TTC3: variants seen among roughly 807,000 people sequenced by gnomAD.
TTC3 encodes the protein tetratricopeptide repeat domain 3.
Under a neutral mutation model 249.6 loss-of-function variants are expected in TTC3, and 180 were observed. The observed-to-expected ratio is 0.72, with a 90% CI of 0.64 to 0.82. TTC3 has a LOEUF of 0.82. Ranked by LOEUF, TTC3 falls within the 40% of genes least tolerant of loss-of-function variation. The pLI, the probability that TTC3 is intolerant of heterozygous loss-of-function variation, is 0.00. For synonymous variants in TTC3, 717 were observed against 805.0 expected (o/e 0.89, Z 1.85); for missense variants, 2,061 against 2,398.4 (o/e 0.86, Z 2.94).
intron 11 of TTC3, among the ~76,000 whole-genome samples, chr21:37,111,753 T>C (rs2075682687): frequency 6.6e-6 from 1 of 152,204 alleles, no homozygotes; most frequent in African/African-American, 2.4e-5. Flanking sequence ...TACATTATTT[T>C]CAGCACCACA....
At chr21:37,121,793 A>G in intron 11 of TTC3, 24 bp from the exon 12 acceptor site, 1 of 1,529,436 alleles carries the variant, frequency 6.5e-7, no homozygotes, top group Non-Finnish European at 8.8e-7. Context: ...TTGAGAAAAA[A>G]TTAAATTTAT....
intron 20 of TTC3, among the ~76,000 whole-genome samples, chr21:37,143,347 T>C (rs1250820255): frequency 3.9e-5 from 6 of 152,144 alleles, no homozygotes; most frequent in Middle Eastern, 3.4e-3. Context: ...AATCTACTCA[T>C]CTGACGAAGG....
chr21:37,095,485 A>G, intron 9 of TTC3, 41 bp downstream of exon 9: 3 of 1,307,510 alleles, frequency 2.3e-6, no homozygotes, highest in Non-Finnish European at 3.2e-6. Context: ...TTTCTATGGC[A>G]CATCAAGTTA....
chr21:37,094,737 C>T (rs1213363333), intron 8 of TTC3, among the ~76,000 whole-genome samples: 6 of 152,090 alleles, frequency 3.9e-5, no homozygotes, highest in African/African-American at 7.2e-5. Context: ...TGCCAAATAC[C>T]GCACAAAATT....
At chr21:37,094,533 A>T (rs770580668) in intron 8 of TTC3, among the ~76,000 whole-genome samples, 1 of 152,234 alleles carries the variant, frequency 6.6e-6, no homozygotes, top group African/African-American at 2.4e-5. Context: ...AGCACCTTTC[A>T]TATATATTCT....
intron 28 of TTC3, 25 bp from the exon 29 acceptor site, chr21:37,159,674 C>T (rs79599927): frequency 6.2e-7 from 1 of 1,610,370 alleles, no homozygotes; most frequent in East Asian, 2.2e-5. Flanking sequence ...AGTTTTCTCA[C>T]AAAACCATCT....
intron 11 of TTC3, among the ~76,000 whole-genome samples, chr21:37,113,129 C>G (rs2075820265): frequency 6.6e-6 from 1 of 152,164 alleles, no homozygotes; most frequent in African/African-American, 2.4e-5. Context: ...TGAAAACTGG[C>G]ACAAGACAGG....
chr21:37,129,860 G>A (rs935876101), intron 16 of TTC3, among the ~76,000 whole-genome samples: 3 of 152,160 alleles, frequency 2.0e-5, no homozygotes, highest in Non-Finnish European at 4.4e-5. Context: ...GCCCAGGCTG[G>A]TCTTGAACTC....
intron 18 of TTC3, among the ~76,000 whole-genome samples, chr21:37,138,014 A>G (rs1162156681): frequency 6.6e-6 from 1 of 152,198 alleles, no homozygotes. Flanking sequence ...CTGCACATGT[A>G]TCCCAGAACT....
chr21:37,197,834 G>T, intron 43 of TTC3, 48 bp from the exon 44 acceptor site: 1 of 1,583,956 alleles, frequency 6.3e-7, no homozygotes, highest in Non-Finnish European at 8.5e-7. Flanking sequence ...TTGGATAACT[G>T]GTTGCTTCCC....
chr21:37,178,092 C>T (rs1313663600), intron 35 of TTC3, among the ~76,000 whole-genome samples: 1 of 152,178 alleles, frequency 6.6e-6, no homozygotes, highest in Admixed American at 6.5e-5. Flanking sequence ...TGTCTTCTTT[C>T]ACCTATAGTG....
chr21:37,164,363 G>C, intron 32 of TTC3, 148 bp downstream of exon 32: 1 of 731,292 alleles, frequency 1.4e-6, no homozygotes, highest in South Asian at 2.1e-5. Flanking sequence ...TTTTGAGACA[G>C]AGTCTTGCTG....
In TTC3 at chr21:37,179,196, A is replaced by T. The variant is rs570135803; in HGVS notation, c.4618-3578A>T. Among the ~76,000 whole-genome samples, 4 of 152,308 alleles carry T rather than the reference A, an allele frequency of 2.6e-5. No individual in the cohort carries two copies. In the South Asian group the frequency reaches 8.3e-4, roughly 32 times the overall value. On this transcript the variant is annotated intron_variant, in intron 35 of 45. Coordinates refer to ENST00000355666, the Ensembl canonical transcript of TTC3. ...CAGCTACTCAGGAGGCTGAGGTGGG[A>T]GGATCACTTGAGACCAGGAAGTTGA...
In TTC3 at chr21:37,091,289, A is replaced by G; in HGVS notation, c.481-4A>G. 6.2e-7 allele frequency: 1 copy of G among 1,606,996 alleles called. No individual in the cohort carries two copies. Among genetic ancestry groups the G allele is most frequent in the South Asian group, 1.1e-5 (1 of 89,264 alleles). ...CCCCATTCTTCATTTCTCTTTTGAAACAGAAAATCTTGGCAATGGAAGAAG... is the reference window on the plus strand; with the variant it reads ...CCCCATTCTTCATTTCTCTTTTGAAGCAGAAAATCTTGGCAATGGAAGAAG... On this transcript the variant is annotated splice_polypyrimidine_tract_variant and splice_region_variant and intron_variant, in intron 6 of 45. Transcript: ENST00000355666.
chr21:37,192,063 G>A (rs551968915), intron 40 of TTC3, 49 bp from the exon 41 acceptor site: 4 of 1,165,036 alleles, frequency 3.4e-6, no homozygotes, highest in Non-Finnish European at 5.0e-6. Context: ...AAGAAACAAA[G>A]TATTAATTGA....
At chr21:37,131,154 T>C (rs1012009552) in intron 16 of TTC3, among the ~76,000 whole-genome samples, 1 of 152,154 alleles carries the variant, frequency 6.6e-6, no homozygotes, top group African/African-American at 2.4e-5. Context: ...ATGAGCCCCT[T>C]TCCATGTACT....
exon 46 of TTC3, chr21:37,202,952 T>G (rs1234038911): frequency 6.6e-6 from 1 of 152,208 alleles, no homozygotes; most frequent in East Asian, 1.9e-4. Flanking sequence ...GCTATGGGTG[T>G]TAACGTGCAT....
Position 37,198,100 on chromosome 21 carries a change from C to G in TTC3, c.5850+75C>G, listed in dbSNP as rs544796792. 8.6e-5 allele frequency: 126 copies of G among 1,472,178 alleles called. 1 individual carries two copies. The Middle Eastern group carries it at 1.3e-3, about 15-fold the overall frequency. 91.2% of individuals were successfully genotyped at this position (1,472,178 alleles called of 1,614,324 possible). A position where few individuals can be genotyped will look rare whatever the true frequency, so the allele number is the denominator to read the frequency against. ...CAAAATTTTTAATCCATGATTTAGC[C>G]CCATTCATTTCTAGACCTAATTTAT... On this transcript the variant is annotated intron_variant, in intron 44 of 45. Transcript: ENST00000355666.
chr21:37,176,849 G>C (rs1335415254), intron 35 of TTC3, among the ~76,000 whole-genome samples: 1 of 152,152 alleles, frequency 6.6e-6, no homozygotes, highest in Admixed American at 6.5e-5. Flanking sequence ...CCATGCATTT[G>C]TTCTCCCTTA....
Sources: gnomAD v4.1 joint callset for allele counts (sites outside exome capture counted in the v4.1 genomes callset) on GRCh38, gnomAD v4.1.1 for gene constraint, MANE v1.5 for transcripts, NCBI Gene and HGNC (gene_info 2026-07-23, HGNC 2026-07-21) for gene names.